The following KCNMA1 variants were observed in gnomAD, a reference collection of about 807,000 sequenced individuals.
KCNMA1 encodes the protein potassium calcium-activated channel subfamily M alpha 1.
A neutral mutation model predicts 140.0 loss-of-function variants in KCNMA1; 29 were observed. The ratio of observed to expected loss-of-function variants is 0.21; its 90% CI spans 0.15 to 0.28. KCNMA1 has a LOEUF of 0.28. Ranked by LOEUF, KCNMA1 falls within the 10% of genes least tolerant of loss-of-function variation. KCNMA1 has a pLI of 1.00. For synonymous variants in KCNMA1, 612 were observed against 611.9 expected (o/e 1.00, Z 0.00); for missense variants, 880 against 1,602.2 (o/e 0.55, Z 7.70).
chr10:77,297,020 G>A (rs929968980), intron 2 of KCNMA1, among the ~76,000 whole-genome samples: 8 of 152,130 alleles, frequency 5.3e-5, no homozygotes, highest in Admixed American at 4.6e-4. Context: ...TAATCTGGTT[G>A]TACCCAAGAC....
intron 23 of KCNMA1, among the ~76,000 whole-genome samples, chr10:76,937,407 C>A (rs369443383): frequency 6.6e-6 from 1 of 152,208 alleles, no homozygotes; most frequent in Non-Finnish European, 1.5e-5. Context: ...TTGACACATT[C>A]CCTCCTATCC....
At chr10:77,454,792 AG>A (rs2097729337) in intron 1 of KCNMA1, among the ~76,000 whole-genome samples, 1 of 152,162 alleles carries the variant, frequency 6.6e-6, no homozygotes, top group African/African-American at 2.4e-5. Flanking sequence ...TTCTCTCTTA[AG>A]GTCTTCATAT....
At position 76,887,092 on chromosome 10, in the gene KCNMA1, T is replaced by C. The variant is rs41281552; in HGVS notation, c.*174A>G. Reference sequence around the variant, plus strand: ...TATTTGCTGTTGTGCTCAAGGGTTTTATGGTGGTGAAATAAAAATGACAAC... The same window carrying C: ...TATTTGCTGTTGTGCTCAAGGGTTTCATGGTGGTGAAATAAAAATGACAAC... On this transcript the variant is annotated 3_prime_UTR_variant, in exon 28 of 28. Coordinates refer to ENST00000286628, the MANE Select transcript of KCNMA1 (RefSeq NM_001161352.2). 9 of 1,555,590 alleles carry C rather than the reference T, an allele frequency of 5.8e-6. No individual in the cohort carries two copies. The highest frequency in any genetic ancestry group is 6.9e-6 in the Non-Finnish European group (8 of 1,155,640).
intron 1 of KCNMA1, among the ~76,000 whole-genome samples, chr10:77,565,431 T>C (rs1051533191): frequency 2.0e-5 from 3 of 152,058 alleles, no homozygotes; most frequent in East Asian, 3.9e-4. Context: ...GTTAAGATGA[T>C]GATAAAAAGA....
intron 3 of KCNMA1, among the ~76,000 whole-genome samples, chr10:77,244,434 G>A (rs1413857360): frequency 6.6e-6 from 1 of 152,186 alleles, no homozygotes; most frequent in Non-Finnish European, 1.5e-5. Flanking sequence ...GCTTCTAGAT[G>A]CCATTGCCTA....
intron 2 of KCNMA1, among the ~76,000 whole-genome samples, chr10:77,317,090 C>T (rs1565933100): frequency 6.6e-6 from 1 of 152,152 alleles, no homozygotes; most frequent in Non-Finnish European, 1.5e-5. Context: ...CACAGCGTCA[C>T]GTACCTGTAG....
chr10:77,149,291 A>G (rs1046127571), intron 5 of KCNMA1, among the ~76,000 whole-genome samples: 3 of 152,356 alleles, frequency 2.0e-5, no homozygotes, highest in East Asian at 1.9e-4. Context: ...CATGTACATT[A>G]TGCTTCTAAT....
chr10:77,052,689 G>C (rs1043088927), intron 14 of KCNMA1, among the ~76,000 whole-genome samples: 7 of 152,132 alleles, frequency 4.6e-5, no homozygotes, highest in Non-Finnish European at 8.8e-5. Context: ...GTATTTGGAG[G>C]ACAGACAGAG....
intron 19 of KCNMA1, chr10:76,974,651 T>A (rs2076979475): frequency 2.1e-6 from 2 of 948,210 alleles, no homozygotes. Context: ...CAAACAATTT[T>A]AACATTGAAT....
At chr10:77,042,913 A>G (rs2094819831) in intron 14 of KCNMA1, among the ~76,000 whole-genome samples, 1 of 152,198 alleles carries the variant, frequency 6.6e-6, no homozygotes, top group South Asian at 2.1e-4. Flanking sequence ...CTAGCTTCTG[A>G]TTAAATCAAA....
intron 5 of KCNMA1, among the ~76,000 whole-genome samples, chr10:77,153,625 A>C (rs2098449629): frequency 6.6e-6 from 1 of 152,204 alleles, no homozygotes; most frequent in Non-Finnish European, 1.5e-5. Context: ...GGCCTCCCAA[A>C]GTGCTGGATT....
intron 1 of KCNMA1, among the ~76,000 whole-genome samples, chr10:77,577,219 T>C (rs968150973): frequency 6.6e-6 from 1 of 152,080 alleles, no homozygotes; most frequent in Non-Finnish European, 1.5e-5. Flanking sequence ...GCTAATTTTT[T>C]TGTATTTTTA....
intron 3 of KCNMA1, among the ~76,000 whole-genome samples, chr10:77,187,243 T>C (rs1268031651): frequency 1.3e-5 from 2 of 152,182 alleles, no homozygotes; most frequent in African/African-American, 4.8e-5. Context: ...ATACTTGGAT[T>C]CAACATAAAT....
chr10:77,119,112 C>T, intron 6 of KCNMA1, among the ~76,000 whole-genome samples: 1 of 152,228 alleles, frequency 6.6e-6, no homozygotes, highest in East Asian at 1.9e-4. Context: ...CTGGCTGCTT[C>T]AGCTTCCCCG....
chr10:77,034,070 C>T (rs979061631), intron 15 of KCNMA1, among the ~76,000 whole-genome samples: 1 of 151,938 alleles, frequency 6.6e-6, no homozygotes, highest in Non-Finnish European at 1.5e-5. Context: ...GGTGAAACCC[C>T]GTATCTACTA....
At chr10:77,612,250 G>A (rs908753056) in intron 1 of KCNMA1, among the ~76,000 whole-genome samples, 15 of 152,188 alleles carry the variant, frequency 9.9e-5, no homozygotes, top group African/African-American at 3.1e-4. Context: ...TCACGAAACT[G>A]GCTGAACTAG....
chr10:77,424,657 A>C (rs1470019155), intron 1 of KCNMA1, among the ~76,000 whole-genome samples: 1 of 152,208 alleles, frequency 6.6e-6, no homozygotes, highest in African/African-American at 2.4e-5. Context: ...AGTACCCAAA[A>C]CTAAATCAAG....
At chr10:77,157,199 T>C (rs1597432525) in intron 5 of KCNMA1, among the ~76,000 whole-genome samples, 1 of 152,226 alleles carries the variant, frequency 6.6e-6, no homozygotes, top group African/African-American at 2.4e-5. Context: ...CCCAGCACTA[T>C]GGGAGGCTGA....
chr10:77,093,843 T>A (rs2096868960), intron 9 of KCNMA1, among the ~76,000 whole-genome samples: 2 of 152,174 alleles, frequency 1.3e-5, no homozygotes, highest in Non-Finnish European at 1.5e-5. Flanking sequence ...AAGATCCCCA[T>A]CCAAAGTTAT....
Sources: gnomAD v4.1 joint callset for allele counts (sites outside exome capture counted in the v4.1 genomes callset) on GRCh38, gnomAD v4.1.1 for gene constraint, MANE v1.5 for transcripts, NCBI Gene and HGNC (gene_info 2026-07-23, HGNC 2026-07-21) for gene names.